Variants in ADGRE1 observed in about 807,000 individuals in gnomAD.
ADGRE1 encodes the protein adhesion G protein-coupled receptor E1.
Under a neutral mutation model 102.7 loss-of-function variants are expected in ADGRE1, and 82 were observed. The ratio of observed to expected loss-of-function variants is 0.80; its 90% CI spans 0.67 to 0.96. The LOEUF (loss-of-function observed/expected upper bound fraction) is 0.96, where lower values mean the gene tolerates loss of function less well. ADGRE1 is among the 40% of genes least tolerant of loss of function. The pLI is 0.00. For synonymous variants in ADGRE1, 398 were observed against 399.6 expected (o/e 1.00, Z 0.05); for missense variants, 1,032 against 1,085.3 (o/e 0.95, Z 0.69).
At chr19:6,907,953 C>G (rs1375189389) in intron 9 of ADGRE1, among the ~76,000 whole-genome samples, 3 of 152,220 alleles carry the variant, frequency 2.0e-5, no homozygotes, top group Non-Finnish European at 4.4e-5. Flanking sequence ...AACAGGCCCC[C>G]CAAAATCTGG....
intron 16 of ADGRE1, 109 bp from the exon 17 acceptor site, chr19:6,928,036 G>A: frequency 4.4e-6 from 6 of 1,350,990 alleles, no homozygotes. Context: ...AGCATCATCT[G>A]AGTCTCACCT....
intron 11 of ADGRE1, among the ~76,000 whole-genome samples, chr19:6,914,211 T>C (rs1974298328): frequency 1.3e-5 from 2 of 152,192 alleles, no homozygotes; most frequent in African/African-American, 4.8e-5. Flanking sequence ...CTCAGGCCAA[T>C]AAATATGGGA....
In ADGRE1 at chr19:6,916,271, C is replaced by A; in HGVS notation, c.1323C>A (p.Asn441Lys). The A allele has an allele frequency of 6.2e-7, 1 of 1,612,698 alleles. No individual in the cohort carries two copies. Among genetic ancestry groups the A allele is most frequent in the Non-Finnish European group, 8.5e-7 (1 of 1,179,198 alleles). Residue 441 changes from asparagine to lysine, a missense_variant, in exon 12 of 21, where the codon AAC becomes AAA. By Grantham distance (94) the Asn-to-Lys change is moderately conservative. Coordinates refer to ENST00000312053, the MANE Select transcript of ADGRE1 (RefSeq NM_001974.5). ...TAGACATTGAGAGCAAAGTTATCAACAAAGAATGCAGTGAAGAGAATGTGA... is the reference window on the plus strand; with the variant it reads ...TAGACATTGAGAGCAAAGTTATCAAAAAAGAATGCAGTGAAGAGAATGTGA... ...EYLDIESKVINKECSEENVTL... is the reference protein window; with the variant it reads ...EYLDIESKVIKKECSEENVTL...
intron 5 of ADGRE1, among the ~76,000 whole-genome samples, chr19:6,899,257 G>A (rs1370350466): frequency 6.6e-6 from 1 of 152,162 alleles, no homozygotes; most frequent in Non-Finnish European, 1.5e-5. Context: ...TGATGGTGGG[G>A]AGAGGTGCTG....
At chr19:6,932,583 C>T (rs990265265) in intron 17 of ADGRE1, among the ~76,000 whole-genome samples, 3 of 152,324 alleles carry the variant, frequency 2.0e-5, no homozygotes, top group Admixed American at 1.3e-4. Flanking sequence ...ATTCCTAAAA[C>T]TCAAAGTTGA....
At position 6,910,476 on chromosome 19, in the gene ADGRE1, T is replaced by C. The variant is rs1033490542; in HGVS notation, c.1122+1704T>C. Among the ~76,000 whole-genome samples the C allele has an allele frequency of 1.6e-4, 24 of 152,148 alleles. 1 individual carries two copies. Among genetic ancestry groups the C allele is most frequent in the African/African-American group, 5.3e-4 (22 of 41,426 alleles). On this transcript the variant is annotated intron_variant, in intron 10 of 20. Transcript: ENST00000312053. The stretch of plus-strand genomic sequence containing the variant: ...TTATAAATAGCCACGTTCTCTTAAA[T>C]TGTTCATATTAAAATAACAAGTCTA...
At chr19:6,905,891 T>C (rs2144921521) in intron 8 of ADGRE1, among the ~76,000 whole-genome samples, 1 of 152,314 alleles carries the variant, frequency 6.6e-6, no homozygotes, top group Admixed American at 6.5e-5. Context: ...CCATTCTATC[T>C]CCTTGTATCC....
chr19:6,905,120 A>G (rs1030234649), intron 8 of ADGRE1, among the ~76,000 whole-genome samples: 1 of 152,078 alleles, frequency 6.6e-6, no homozygotes, highest in Admixed American at 6.5e-5. Context: ...AGGTGAGAGG[A>G]TCACCTGAGG....
At chr19:6,923,524 CTT>C (rs1432402188) in intron 14 of ADGRE1, among the ~76,000 whole-genome samples, 1 of 151,824 alleles carries the variant, frequency 6.6e-6, no homozygotes, top group Non-Finnish European at 1.5e-5. Context: ...CAGTTTTTTT[CTT>C]TCTTTTTCTT....
At chr19:6,910,177 C>T (rs1300324588) in intron 10 of ADGRE1, among the ~76,000 whole-genome samples, 1 of 151,806 alleles carries the variant, frequency 6.6e-6, no homozygotes, top group East Asian at 1.9e-4. Context: ...TATTTTTATT[C>T]ATAAAGTATA....
intron 4 of ADGRE1, 26 bp from the exon 5 acceptor site, chr19:6,897,402 G>A (rs1206315700): frequency 9.4e-6 from 15 of 1,596,220 alleles, no homozygotes; most frequent in Admixed American, 1.7e-5. Flanking sequence ...TTTCTTATCT[G>A]CTCACCCTCT....
intron 3 of ADGRE1, chr19:6,896,781 T>C (rs1973570793): frequency 3.8e-6 from 2 of 526,814 alleles, no homozygotes; most frequent in Admixed American, 7.2e-5. Flanking sequence ...TCTTCCTTCC[T>C]TCCTTCCTTC....
chr19:6,890,421 G>GGTTTT, intron 1 of ADGRE1, 60 bp from the exon 2 acceptor site: 1 of 450,562 alleles, frequency 2.2e-6, no homozygotes. Flanking sequence ...AGCCCAAAAG[G>GGTTTT]TTTTTTTTTT....
At chr19:6,903,682 C>G in intron 6 of ADGRE1, 128 bp from the exon 7 acceptor site, 1 of 1,233,396 alleles carries the variant, frequency 8.1e-7, no homozygotes, top group Non-Finnish European at 1.1e-6. Flanking sequence ...GCAGAGGGTT[C>G]TAGGAAATGT....
At chr19:6,891,856 G>A (rs1382559324) in intron 2 of ADGRE1, among the ~76,000 whole-genome samples, 1 of 152,136 alleles carries the variant, frequency 6.6e-6, no homozygotes, top group Admixed American at 6.6e-5. Flanking sequence ...ATGTTACCCA[G>A]GCAAAGGGGC....
At chr19:6,937,905 A>T (rs1049689726) in intron 20 of ADGRE1, among the ~76,000 whole-genome samples, 4 of 152,066 alleles carry the variant, frequency 2.6e-5, no homozygotes, top group Non-Finnish European at 5.9e-5. Flanking sequence ...TTACATAGAT[A>T]CATTTGTATA....
At chr19:6,911,585 G>A (rs940788444) in intron 10 of ADGRE1, among the ~76,000 whole-genome samples, 5 of 151,264 alleles carry the variant, frequency 3.3e-5, no homozygotes, top group Non-Finnish European at 5.9e-5. Flanking sequence ...TACCTTGTAA[G>A]CATGTACACA....
intron 1 of ADGRE1, among the ~76,000 whole-genome samples, chr19:6,888,724 T>C (rs1441355219): frequency 1.3e-5 from 2 of 152,196 alleles, no homozygotes; most frequent in African/African-American, 2.4e-5. Context: ...AAATAATTAA[T>C]GAATGAGTAG....
At chr19:6,910,360 C>T (rs1222263093) in intron 10 of ADGRE1, among the ~76,000 whole-genome samples, 1 of 151,948 alleles carries the variant, frequency 6.6e-6, no homozygotes, top group East Asian at 1.9e-4. Flanking sequence ...ATCTAATAGG[C>T]AAAGTCACTT....
Sources: allele counts gnomAD v4.1 joint callset (sites outside exome capture counted in the v4.1 genomes callset), GRCh38; gene constraint gnomAD v4.1.1; transcripts MANE v1.5; gene names NCBI Gene and HGNC (gene_info 2026-07-23, HGNC 2026-07-21).